The following AGO3 variants were observed in gnomAD, a reference collection of about 807,000 sequenced individuals.
The protein encoded by AGO3 is argonaute RISC catalytic component 3.
A neutral mutation model predicts 105.5 loss-of-function variants in AGO3; 16 were observed. The observed-to-expected ratio is 0.15, with a 90% CI of 0.10 to 0.23. The LOEUF is 0.23. Among genes scored for constraint, AGO3 ranks in the 10% least tolerant of loss-of-function variants. The pLI, the probability that AGO3 is intolerant of heterozygous loss-of-function variation, is 1.00. For synonymous variants in AGO3, 340 were observed against 367.3 expected, an observed-to-expected ratio of 0.93 and a Z score of 0.85; for missense variants, 534 against 1,088.0, an observed-to-expected ratio of 0.49 and a Z score of 7.16.
intron 2 of AGO3, among the ~76,000 whole-genome samples, chr1:35,954,207 T>C (rs1646523843): frequency 6.6e-6 from 1 of 152,164 alleles, no homozygotes; most frequent in African/African-American, 2.4e-5. Context: ...ACTTGGAAGA[T>C]AGGAAAGTTA....
At chr1:36,002,942 G>A (rs1340137677) in intron 5 of AGO3, among the ~76,000 whole-genome samples, 1 of 152,066 alleles carries the variant, frequency 6.6e-6, no homozygotes, top group African/African-American at 2.4e-5. Context: ...GTGGTGGTGG[G>A]CACCTGTAGT....
chr1:36,013,877 G>A, intron 10 of AGO3, 38 bp from the exon 11 acceptor site: 2 of 1,599,670 alleles, frequency 1.3e-6, no homozygotes, highest in Non-Finnish European at 1.7e-6. Flanking sequence ...GAAAATTTTT[G>A]TTCTTTTTCA....
At chr1:36,039,292 A>T (rs694765) in intron 14 of AGO3, among the ~76,000 whole-genome samples, 14,507 of 151,992 alleles carry the variant, frequency 0.095, 2,109 homozygotes, top group East Asian at 0.66. Flanking sequence ...TCAAGATATC[A>T]AGACCATCCT....
intron 2 of AGO3, among the ~76,000 whole-genome samples, chr1:35,965,481 C>T (rs1646755398): frequency 2.1e-5 from 2 of 95,758 alleles, no homozygotes; most frequent in African/African-American, 9.0e-5. Flanking sequence ...CAGAGCAAGA[C>T]GCTGTCTCAA....
intron 2 of AGO3, among the ~76,000 whole-genome samples, chr1:35,960,561 A>T (rs1351912901): frequency 6.6e-6 from 1 of 151,936 alleles, no homozygotes; most frequent in Admixed American, 6.6e-5. Context: ...TAATCTCAAC[A>T]CTCTGGGAGG....
intron 10 of AGO3, 75 bp downstream of exon 10, chr1:36,013,827 T>C (rs183548178): frequency 1.4e-5 from 23 of 1,601,374 alleles, no homozygotes; most frequent in South Asian, 1.1e-5. Context: ...ATCAGAAATA[T>C]TTCAATTCAG....
chr1:36,072,121 A>G lies in AGO3; in HGVS notation c.*16376A>G, dbSNP rs1232125115. The G allele has an allele frequency of 1.3e-5, 2 of 152,224 alleles. No homozygotes were observed. Among genetic ancestry groups the G allele is most frequent in the African/African-American group, 4.8e-5 (2 of 41,458 alleles). 9.4% of individuals were successfully genotyped at this position (152,224 alleles called of 1,614,324 possible). A position where few individuals can be genotyped will look rare whatever the true frequency, so the allele number is the denominator to read the frequency against. On this transcript the variant is annotated 3_prime_UTR_variant, in exon 19 of 19. Coordinates refer to ENST00000373191, the MANE Select transcript of AGO3 (RefSeq NM_024852.4). Reference sequence around the variant, plus strand: ...TTCCCCACAAAAAATATTATACTTCAGTTAAACTATCTTCCCCACAGAAAT... The same window carrying G: ...TTCCCCACAAAAAATATTATACTTCGGTTAAACTATCTTCCCCACAGAAAT...
chr1:35,995,207 A>T lies in AGO3; in HGVS notation c.659-9134A>T, dbSNP rs867160126. 1.5e-3 allele frequency among the ~76,000 whole-genome samples: 159 copies of T among 106,426 alleles called. 1 individual carries two copies. Among genetic ancestry groups the T allele is most frequent in the Non-Finnish European group, 1.8e-3 (101 of 56,334 alleles). The allele number at this position is 106,426 out of a possible 152,430, so 69.8% of individuals were successfully genotyped here. On this transcript the variant is annotated intron_variant, in intron 5 of 18. Coordinates refer to ENST00000373191, the MANE Select transcript of AGO3 (RefSeq NM_024852.4). ...CAGAGCAAGACACTGTCTAAAAAAAAAAATATATATATATATATATATATA... is the reference window on the plus strand; with the variant it reads ...CAGAGCAAGACACTGTCTAAAAAAATAAATATATATATATATATATATATA...
chr1:35,962,748 A>G (rs943286058), intron 2 of AGO3, among the ~76,000 whole-genome samples: 2 of 152,262 alleles, frequency 1.3e-5, no homozygotes, highest in Admixed American at 1.3e-4. Flanking sequence ...GAGATAAATA[A>G]AATTGGGTCC....
In AGO3 at chr1:36,071,911, A is replaced by G. The variant is rs1643171291; in HGVS notation, c.*16166A>G. 1 of 152,152 alleles carries G rather than the reference A, an allele frequency of 6.6e-6. No individual in the cohort carries two copies. The highest frequency in any genetic ancestry group is 2.4e-5 in the African/African-American group (1 of 41,418). 9.4% of individuals were successfully genotyped at this position (152,152 alleles called of 1,614,324 possible). ...ATATGTAGTCATTGTATAATTAGAAACACCAAATGCTGAATCCTATCACTG... is the reference window on the plus strand; with the variant it reads ...ATATGTAGTCATTGTATAATTAGAAGCACCAAATGCTGAATCCTATCACTG... On this transcript the variant is annotated 3_prime_UTR_variant, in exon 19 of 19. Coordinates refer to ENST00000373191, the MANE Select transcript of AGO3 (RefSeq NM_024852.4).
intron 2 of AGO3, among the ~76,000 whole-genome samples, chr1:35,956,637 G>GTTTTTTTT (rs1038922061): frequency 1.5e-5 from 2 of 137,668 alleles, no homozygotes. Flanking sequence ...TTCTTTTTTT[G>GTTTTTTTT]TTTTTTTTTT....
At position 36,036,178 on chromosome 1, in the gene AGO3, CCTT is replaced by C; in HGVS notation, c.1756_1758del (p.Ser586del). 6.2e-7 allele frequency: 1 copy of C among 1,613,744 alleles called. No individual in the cohort carries two copies. The highest frequency in any genetic ancestry group is 8.5e-7 in the Non-Finnish European group (1 of 1,179,810). On this transcript the variant is annotated inframe_deletion and splice_region_variant, in exon 14 of 19. Coordinates refer to ENST00000373191, the MANE Select transcript of AGO3 (RefSeq NM_024852.4). ...ACCCTTTTTCAAAATGTGTTTAAGA[CCTT>C]CTGTGTTCCAGCAACCAGTGATCTT...
Position 35,931,380 on chromosome 1 carries a change from A to C in AGO3, c.-47A>C. The C allele has an allele frequency of 7.2e-7, 1 of 1,379,570 alleles. No individual in the cohort carries two copies. The highest frequency in any genetic ancestry group is 9.4e-7 in the Non-Finnish European group (1 of 1,060,576). The allele number at this position is 1,379,570 out of a possible 1,614,324, so 85.5% of individuals were successfully genotyped here. ...CCCCCCGGGCCGCCTCCTTGCCGCC[A>C]GTGGCGGGCTCCGTTCTCCCTCGAA... On this transcript the variant is annotated 5_prime_UTR_variant, in exon 1 of 19. Transcript: ENST00000373191.
rs75895831 is a variant in AGO3 at position 35,978,921 on chromosome 1, A to G, written c.658+5410A>G. Among the ~76,000 whole-genome samples the G allele has an allele frequency of 8.1e-3, 1,241 of 152,314 alleles. 16 individuals are homozygous for G. Among genetic ancestry groups the G allele is most frequent in the African/African-American group, 0.028 (1,158 of 41,556 alleles). ...ATTATATTCTAGAAACTAGAAATAC[A>G]TAATATTATTTTCTAGAAACTCCAC... On this transcript the variant is annotated intron_variant, in intron 5 of 18. Transcript: ENST00000373191.
intron 11 of AGO3, among the ~76,000 whole-genome samples, chr1:36,020,645 T>G (rs961884042): frequency 2.0e-5 from 3 of 152,200 alleles, no homozygotes; most frequent in Non-Finnish European, 4.4e-5. Context: ...AGACGGAATC[T>G]CGCTCTGTCA....
chr1:35,981,320 G>A (rs1647049368), intron 5 of AGO3, among the ~76,000 whole-genome samples: 1 of 152,072 alleles, frequency 6.6e-6, no homozygotes, highest in Non-Finnish European at 1.5e-5. Flanking sequence ...GGGACTTAAG[G>A]GTGTTAGGAA....
intron 5 of AGO3, among the ~76,000 whole-genome samples, chr1:35,983,915 T>G (rs1374570802): frequency 1.3e-5 from 2 of 152,104 alleles, no homozygotes; most frequent in Non-Finnish European, 2.9e-5. Context: ...ATTTAGAAAT[T>G]TAGGTATGAA....
At chr1:36,037,388 G>T (rs1275364246) in intron 14 of AGO3, among the ~76,000 whole-genome samples, 1 of 152,120 alleles carries the variant, frequency 6.6e-6, no homozygotes, top group Non-Finnish European at 1.5e-5. Context: ...TGTCGTGGTG[G>T]TGGGTGCCTT....
intron 11 of AGO3, among the ~76,000 whole-genome samples, chr1:36,016,994 C>CAA (rs979718273): frequency 3.3e-5 from 5 of 151,962 alleles, no homozygotes; most frequent in Non-Finnish European, 1.5e-5. Flanking sequence ...AGAGTGTGAC[C>CAA]AAAACTTAGG....
Sources: allele counts gnomAD v4.1 joint callset (sites outside exome capture counted in the v4.1 genomes callset), GRCh38; gene constraint gnomAD v4.1.1; transcripts MANE v1.5; gene names NCBI Gene and HGNC (gene_info 2026-07-23, HGNC 2026-07-21).